The following MID2 variants were observed in gnomAD, a reference collection of about 807,000 sequenced individuals.
MID2 encodes probable E3 ubiquitin-protein ligase MID2.
MID2 carries 13 observed loss-of-function variants against 46.1 expected under a neutral mutation model. The ratio of observed to expected loss-of-function variants is 0.28; its 90% CI spans 0.18 to 0.45. The LOEUF is 0.45. Among genes scored for constraint, MID2 ranks in the 20% least tolerant of loss-of-function variants. The probability of loss-of-function intolerance (pLI) is 1.00; values close to 1 mark genes in which losing one functional copy is unlikely to be tolerated. For synonymous variants in MID2, 199 were observed against 212.3 expected (o/e 0.94, Z 0.55); for missense variants, 431 against 575.4 (o/e 0.75, Z 2.57).
At chrX:107,893,147 T>TA (rs989329553) in intron 3 of MID2, among the ~76,000 whole-genome samples, 1 of 112,739 alleles carries the variant, frequency 8.9e-6, no homozygotes, top group Non-Finnish European at 1.9e-5. Flanking sequence ...TTCATGTTCT[T>TA]ACGGCTTTCT....
chrX:107,917,089 C>T (rs1176505694), intron 6 of MID2, among the ~76,000 whole-genome samples: 1 of 111,319 alleles, frequency 9.0e-6, no homozygotes, highest in Non-Finnish European at 1.9e-5. Flanking sequence ...TGCAGTGAGC[C>T]GAGATTGCGC....
intron 3 of MID2, among the ~76,000 whole-genome samples, chrX:107,892,208 A>G (rs1347478368): frequency 8.9e-6 from 1 of 112,016 alleles, no homozygotes; most frequent in African/African-American, 3.2e-5. Flanking sequence ...AGGCGGAAAC[A>G]TTCACTGGCT....
chrX:107,906,475 T>A (rs1932836452), intron 5 of MID2, among the ~76,000 whole-genome samples: 1 of 112,570 alleles, frequency 8.9e-6, no homozygotes, highest in African/African-American at 3.2e-5. Flanking sequence ...CCCATTTTCA[T>A]GGACCACATG....
intron 5 of MID2, among the ~76,000 whole-genome samples, chrX:107,908,158 A>C (rs1452581072): frequency 1.8e-5 from 2 of 112,217 alleles, no homozygotes; most frequent in Non-Finnish European, 3.8e-5. Flanking sequence ...TATTGGCATG[A>C]CCTTACATTT....
At chrX:107,850,187 C>T (rs79013847) in intron 2 of MID2, among the ~76,000 whole-genome samples, 5 of 87,153 alleles carry the variant, frequency 5.7e-5, no homozygotes, top group African/African-American at 4.2e-4. Context: ...CACACACACA[C>T]AGACACACAC....
At chrX:107,840,568 G>A in intron 1 of MID2, 102 bp from the exon 2 acceptor site, 3 of 645,890 alleles carry the variant, frequency 4.6e-6, no homozygotes, top group Non-Finnish European at 7.2e-6. Flanking sequence ...AGCATCTCTG[G>A]GGAATCCAGC....
Position 107,841,097 on chromosome X carries a change from G to A in MID2, c.432G>A (p.Gln144=). ...GAATTGCTTGCCAATTCTGTGAGCA[G>A]GACCCGCCAAGGGATGCAGTAAAAA... The part of the protein sequence containing the change: ...SERIACQFCE[Q]DPPRDAVKTC... The change falls in exon 2 of 10, where the codon CAG becomes CAA. Residue 144 remains glutamine, a synonymous_variant. Transcript: ENST00000262843. 8.3e-7 allele frequency: 1 copy of A among 1,211,448 alleles called. No homozygotes were observed. Among genetic ancestry groups the A allele is most frequent in the Non-Finnish European group, 1.1e-6 (1 of 895,460 alleles).
In MID2 at chrX:107,840,926, C is replaced by T; in HGVS notation, c.261C>T (p.His87=). ...PTCRYVISLN[H]RGLDGLKRNV... ...GCAGGTATGTTATCTCGCTGAACCACCGGGGCCTGGATGGCCTCAAGAGGA... is the reference window on the plus strand; with the variant it reads ...GCAGGTATGTTATCTCGCTGAACCATCGGGGCCTGGATGGCCTCAAGAGGA... The change falls in exon 2 of 10, where the codon CAC becomes CAT. Residue 87 remains histidine, a synonymous_variant. Coordinates refer to ENST00000262843, the MANE Select transcript of MID2 (RefSeq NM_012216.4). 1 of 1,211,592 alleles carries T rather than the reference C, an allele frequency of 8.3e-7. No homozygotes were observed. The highest frequency in any genetic ancestry group is 1.8e-5 in the South Asian group (1 of 56,955).
Position 107,927,106 on chromosome X carries a change from T to C in MID2, c.*33T>C, listed in dbSNP as rs768643308. On this transcript the variant is annotated 3_prime_UTR_variant, in exon 10 of 10. Coordinates refer to ENST00000262843, the MANE Select transcript of MID2 (RefSeq NM_012216.4). Reference sequence around the variant, plus strand: ...GAGAGTATATAATTCACTGGCTCTCTAGTTCAGCAGTTCTTCCCCTCCTAC... The same window carrying C: ...GAGAGTATATAATTCACTGGCTCTCCAGTTCAGCAGTTCTTCCCCTCCTAC... 44 of 1,134,525 alleles carry C rather than the reference T, an allele frequency of 3.9e-5. No homozygotes were observed. Among genetic ancestry groups the C allele is most frequent in the Non-Finnish European group, 8.3e-6 (7 of 847,184 alleles). The allele number at this position is 1,134,525 out of a possible 1,213,427, so 93.5% of individuals were successfully genotyped here. A position where few individuals can be genotyped will look rare whatever the true frequency, so the allele number is the denominator to read the frequency against.
chrX:107,917,687 A>G lies in MID2; in HGVS notation c.1383A>G (p.Ile461Met). The G allele has an allele frequency of 8.3e-7, 1 of 1,211,948 alleles. No homozygotes were observed. Among genetic ancestry groups the G allele is most frequent in the Non-Finnish European group, 1.1e-6 (1 of 895,548 alleles). The part of the protein sequence containing the change: ...SWCSWGLWPE[I>M]RKCKEAVSCS... The stretch of plus-strand genomic sequence containing the variant: ...GTAGTTGGGGCCTGTGGCCAGAGAT[A>G]AGGAAATGTAAGGAAGCAGTAAGCT... Residue 461 changes from isoleucine (I) to methionine (M), a missense_variant, in exon 7 of 10, where the codon ATA (isoleucine) becomes ATG (methionine). Coordinates refer to ENST00000262843, the MANE Select transcript of MID2 (RefSeq NM_012216.4).
intron 3 of MID2, among the ~76,000 whole-genome samples, chrX:107,878,667 C>G (rs1932254168): frequency 8.9e-6 from 1 of 111,907 alleles, no homozygotes; most frequent in South Asian, 3.7e-4. Context: ...CAGATGCCTT[C>G]AGCTGCCCCA....
At chrX:107,886,748 C>T (rs1262914760) in intron 3 of MID2, among the ~76,000 whole-genome samples, 1 of 111,608 alleles carries the variant, frequency 9.0e-6, no homozygotes, top group Non-Finnish European at 1.9e-5. Context: ...ATTCTTCCTA[C>T]CCATGAGCAT....
At chrX:107,909,085 T>C (rs1932861749) in intron 5 of MID2, among the ~76,000 whole-genome samples, 1 of 111,853 alleles carries the variant, frequency 8.9e-6, no homozygotes, top group East Asian at 2.8e-4. Context: ...ATTTTCTCTT[T>C]CGGGATGCTG....
intron 3 of MID2, among the ~76,000 whole-genome samples, chrX:107,902,083 C>T (rs1268961191): frequency 8.9e-6 from 1 of 111,957 alleles, no homozygotes; most frequent in Non-Finnish European, 1.9e-5. Context: ...AATCTCATCC[C>T]TGCTATGTAC....
At chrX:107,866,062 C>A (rs960708300) in intron 3 of MID2, among the ~76,000 whole-genome samples, 1 of 112,126 alleles carries the variant, frequency 8.9e-6, no homozygotes, top group Non-Finnish European at 1.9e-5. Flanking sequence ...TTACACGATG[C>A]CAGTTTACTC....
chrX:107,860,208 A>G (rs1457627843), intron 3 of MID2, among the ~76,000 whole-genome samples: 1 of 111,617 alleles, frequency 9.0e-6, no homozygotes, highest in Non-Finnish European at 1.9e-5. Flanking sequence ...TAGGAGGTGG[A>G]TCAGTATTAA....
chrX:107,913,210 A>T (rs1034239253), intron 5 of MID2, among the ~76,000 whole-genome samples: 1 of 111,915 alleles, frequency 8.9e-6, no homozygotes, highest in South Asian at 3.7e-4. Flanking sequence ...TATACTCTAC[A>T]TTTGAAACAA....
At chrX:107,881,198 A>G (rs1252636445) in intron 3 of MID2, among the ~76,000 whole-genome samples, 1 of 112,321 alleles carries the variant, frequency 8.9e-6, no homozygotes, top group Non-Finnish European at 1.9e-5. Context: ...TCAGAGAAAG[A>G]TTGTTGGATG....
chrX:107,923,368 G>T (rs750293854), intron 7 of MID2, among the ~76,000 whole-genome samples: 2 of 111,738 alleles, frequency 1.8e-5, no homozygotes, highest in African/African-American at 6.5e-5. Flanking sequence ...TTCTTTTACC[G>T]AAAGCTTGCC....
Sources: allele counts gnomAD v4.1 joint callset (sites outside exome capture counted in the v4.1 genomes callset), GRCh38; gene constraint gnomAD v4.1.1; transcripts MANE v1.5; gene names NCBI Gene and HGNC (gene_info 2026-07-23, HGNC 2026-07-21).